Variants in ASIC5 observed in about 807,000 individuals in gnomAD.
ASIC5 encodes bile acid-sensitive ion channel.
Under a neutral mutation model 51.2 loss-of-function variants are expected in ASIC5, and 52 were observed. That is an observed-to-expected ratio of 1.02 (90% CI 0.81 to 1.28). The LOEUF is 1.28. Ranked by LOEUF, ASIC5 falls within the 50% of genes most tolerant of loss-of-function variation. The probability of loss-of-function intolerance (pLI) is 0.00; values close to 1 mark genes in which losing one functional copy is unlikely to be tolerated. For missense variants in ASIC5, 635 were observed against 595.0 expected (o/e 1.07, Z -0.70); for synonymous variants, 231 against 200.7 (o/e 1.15, Z -1.28).
At chr4:155,854,419 ACT>A in intron 2 of ASIC5, 105 bp from the exon 3 acceptor site, 1 of 831,466 alleles carries the variant, frequency 1.2e-6, no homozygotes, top group South Asian at 1.7e-5. Context: ...TATCTCCCAC[ACT>A]CTCCCTTATT....
chr4:155,851,746 T>C (rs539603608), intron 4 of ASIC5, among the ~76,000 whole-genome samples: 2 of 152,034 alleles, frequency 1.3e-5, no homozygotes, highest in Admixed American at 6.6e-5. Flanking sequence ...ATATTCTTTA[T>C]ATAACCATTA....
chr4:155,849,018 A>G (rs1741319385), intron 4 of ASIC5, among the ~76,000 whole-genome samples: 1 of 152,094 alleles, frequency 6.6e-6, no homozygotes, highest in Non-Finnish European at 1.5e-5. Context: ...ACTTGTGGCA[A>G]TACAGTTATT....
At chr4:155,855,284 T>C (rs980653974) in intron 2 of ASIC5, 10 of 152,100 alleles carry the variant, frequency 6.6e-5, no homozygotes, top group Non-Finnish European at 1.5e-5. Flanking sequence ...CATTAATTGT[T>C]TTTCTTAAAA....
chr4:155,850,235 T>C (rs915450414), intron 4 of ASIC5, among the ~76,000 whole-genome samples: 3 of 151,960 alleles, frequency 2.0e-5, no homozygotes, highest in African/African-American at 7.2e-5. Flanking sequence ...CTATTCTGAT[T>C]GCCTCCTTTG....
At chr4:155,862,406 ATAT>A (rs1438082191) in intron 2 of ASIC5, among the ~76,000 whole-genome samples, 3 of 152,112 alleles carry the variant, frequency 2.0e-5, no homozygotes, top group Non-Finnish European at 4.4e-5. Flanking sequence ...GAAGTAGATG[ATAT>A]TATCTCATTT....
At position 155,849,605 on chromosome 4, in the gene ASIC5, A is replaced by T. The variant is rs565566452; in HGVS notation, c.711+2586T>A. ...CCAAAACTAGGGTACACCTGTTGTTAGATTCTAGTCTTGCCCAGTGTTTTT... is the reference window on the plus strand; with the variant it reads ...CCAAAACTAGGGTACACCTGTTGTTTGATTCTAGTCTTGCCCAGTGTTTTT... On this transcript the variant is annotated intron_variant, in intron 4 of 9. Coordinates refer to ENST00000537611, the MANE Select transcript of ASIC5 (RefSeq NM_017419.3). Among the ~76,000 whole-genome samples the T allele has an allele frequency of 5.9e-5, 9 of 152,232 alleles. No homozygotes were observed. The East Asian group carries it at 1.7e-3, about 30-fold the overall frequency.
intron 2 of ASIC5, among the ~76,000 whole-genome samples, chr4:155,860,392 T>G (rs1305476427): frequency 6.6e-6 from 1 of 151,942 alleles, no homozygotes; most frequent in Non-Finnish European, 1.5e-5. Flanking sequence ...TTTCAAATTT[T>G]TTATATAGCA....
chr4:155,853,439 A>G (rs1190109818), intron 3 of ASIC5, among the ~76,000 whole-genome samples: 6 of 151,842 alleles, frequency 4.0e-5, no homozygotes, highest in Non-Finnish European at 7.4e-5. Flanking sequence ...TTATTAATAG[A>G]TTACAGATAG....
intron 4 of ASIC5, among the ~76,000 whole-genome samples, chr4:155,850,422 C>T (rs1741354603): frequency 6.6e-6 from 1 of 151,972 alleles, no homozygotes; most frequent in Non-Finnish European, 1.5e-5. Context: ...CCAAGTTGTG[C>T]CCTGACTACC....
chr4:155,838,838 G>A lies in ASIC5; in HGVS notation c.1041C>T (p.Tyr347=), dbSNP rs763801853. ...GYGIECDLQK[Y]FSCVSPVLDH... ...CAAGTACAGGAGAAACACAGCTGAA[G>A]TACTTTTGTAGGTCACATTCTATCC... Residue 347 remains tyrosine, a synonymous_variant, in exon 7 of 10, where the codon TAC becomes TAT. Transcript: ENST00000537611. The A allele has an allele frequency of 3.8e-6, 6 of 1,586,356 alleles. No individual in the cohort carries two copies. Among genetic ancestry groups the A allele is most frequent in the Non-Finnish European group, 5.2e-6 (6 of 1,156,516 alleles).
intron 7 of ASIC5, among the ~76,000 whole-genome samples, chr4:155,838,453 G>A (rs1741042319): frequency 6.6e-6 from 1 of 152,082 alleles, no homozygotes; most frequent in East Asian, 1.9e-4. Context: ...TCAGTGAGAG[G>A]AGTTCTCAGT....
chr4:155,832,848 G>T (rs1345359634), intron 8 of ASIC5, among the ~76,000 whole-genome samples: 1 of 151,972 alleles, frequency 6.6e-6, no homozygotes, highest in Non-Finnish European at 1.5e-5. Flanking sequence ...CTGGATTTTT[G>T]CAATAGCTTG....
intron 2 of ASIC5, chr4:155,854,620 T>C: frequency 2.9e-6 from 1 of 346,238 alleles, no homozygotes; most frequent in East Asian, 5.8e-5. Flanking sequence ...AAAAATGCAT[T>C]TAGGAGCCAG....
chr4:155,845,279 A>T (rs1277505076), intron 4 of ASIC5, among the ~76,000 whole-genome samples: 1 of 151,772 alleles, frequency 6.6e-6, no homozygotes, highest in Non-Finnish European at 1.5e-5. Context: ...TAATTAAAAG[A>T]TTAACATCCA....
intron 2 of ASIC5, among the ~76,000 whole-genome samples, chr4:155,857,267 G>C (rs1389337191): frequency 6.6e-6 from 1 of 151,940 alleles, no homozygotes; most frequent in Non-Finnish European, 1.5e-5. Flanking sequence ...GGAACTACAG[G>C]TGTACACCAC....
intron 9 of ASIC5, among the ~76,000 whole-genome samples, chr4:155,830,584 T>C (rs928940004): frequency 6.6e-6 from 1 of 152,224 alleles, no homozygotes; most frequent in South Asian, 2.1e-4. Context: ...TTTATTGTGG[T>C]AAAATATATA....
intron 8 of ASIC5, among the ~76,000 whole-genome samples, chr4:155,833,224 TG>T (rs1216027258): frequency 2.6e-5 from 4 of 152,150 alleles, no homozygotes; most frequent in Non-Finnish European, 5.9e-5. Flanking sequence ...ACCAAATGAA[TG>T]GATCAATATT....
chr4:155,847,910 A>G (rs1040636436), intron 4 of ASIC5, among the ~76,000 whole-genome samples: 6 of 152,080 alleles, frequency 3.9e-5, no homozygotes, highest in Non-Finnish European at 8.8e-5. Flanking sequence ...CAAAGGCACA[A>G]TGATGCAAGA....
At chr4:155,851,321 A>G (rs1034003629) in intron 4 of ASIC5, among the ~76,000 whole-genome samples, 3 of 152,012 alleles carry the variant, frequency 2.0e-5, no homozygotes, top group Non-Finnish European at 4.4e-5. Context: ...AATATCTTGA[A>G]TGGGATACAA....
Sources: gnomAD v4.1 joint callset for allele counts (sites outside exome capture counted in the v4.1 genomes callset) on GRCh38, gnomAD v4.1.1 for gene constraint, MANE v1.5 for transcripts, NCBI Gene and HGNC (gene_info 2026-07-23, HGNC 2026-07-21) for gene names.